Variants in HDAC4 observed in about 807,000 individuals in gnomAD.
HDAC4 encodes histone deacetylase 4.
A neutral mutation model predicts 135.1 loss-of-function variants in HDAC4; 16 were observed. The observed-to-expected ratio is 0.12, with a 90% CI of 0.08 to 0.18. The LOEUF is 0.18. Ranked by LOEUF, HDAC4 falls within the 10% of genes least tolerant of loss-of-function variation. The pLI, the probability that HDAC4 is intolerant of heterozygous loss-of-function variation, is 1.00. For synonymous variants in HDAC4, 685 were observed against 653.4 expected (o/e 1.05, Z -0.74); for missense variants, 1,143 against 1,511.8 (o/e 0.76, Z 4.05).
In HDAC4 at chr2:239,068,691, T is replaced by C; in HGVS notation, c.2751-84A>G. Reference sequence around the variant, plus strand: ...AAAACCCCAAGGTTCCCTCTGGCATTGATAATGCCTGCCCCGCACCCCCTC... The same window carrying C: ...AAAACCCCAAGGTTCCCTCTGGCATCGATAATGCCTGCCCCGCACCCCCTC... On this transcript the variant is annotated intron_variant, in intron 22 of 26. Coordinates refer to ENST00000543185, the MANE Select transcript of HDAC4 (RefSeq NM_001378414.1). The surrounding 1 kb of genome is among the most constrained non-coding windows in gnomAD (Gnocchi z 4.4). The C allele has an allele frequency of 8.6e-7, 1 of 1,166,710 alleles. No individual in the cohort carries two copies. Among genetic ancestry groups the C allele is most frequent in the Non-Finnish European group, 1.3e-6 (1 of 774,164 alleles). 72.3% of individuals were successfully genotyped at this position (1,166,710 alleles called of 1,614,324 possible).
intron 1 of HDAC4, among the ~76,000 whole-genome samples, chr2:239,383,998 C>T (rs542639696): frequency 3.9e-5 from 6 of 152,204 alleles, no homozygotes; most frequent in African/African-American, 1.2e-4. Context: ...GGCCTACTGA[C>T]GTGAGTAACG....
At chr2:239,089,964 T>C (rs1302949520) in intron 18 of HDAC4, 45 bp downstream of exon 18, 20 of 1,398,284 alleles carry the variant, frequency 1.4e-5, no homozygotes, top group Non-Finnish European at 1.9e-5. Flanking sequence ...TGGGAATCTA[T>C]GGCAGGCCTC....
intron 2 of HDAC4, among the ~76,000 whole-genome samples, chr2:239,311,332 G>A (rs867489670): frequency 2.0e-5 from 3 of 152,158 alleles, no homozygotes; most frequent in Non-Finnish European, 2.9e-5. Flanking sequence ...CAGGCACCAA[G>A]CCCGGAGACA....
In HDAC4 at chr2:239,310,411, A is replaced by C. The variant is rs553876443; in HGVS notation, c.22+42267T>G. 2.6e-5 allele frequency among the ~76,000 whole-genome samples: 4 copies of C among 152,318 alleles called. No individual in the cohort carries two copies. The South Asian group carries it at 8.3e-4, about 32-fold the overall frequency. ...TTTTGCTCCCCCCCGAACCAAGTAT[A>C]GAGAATGTTTCACAGAGTAGCTTCA... On this transcript the variant is annotated intron_variant, in intron 2 of 26. Coordinates refer to ENST00000543185, the MANE Select transcript of HDAC4 (RefSeq NM_001378414.1).
At chr2:239,174,824 A>G (rs1055447170) in intron 5 of HDAC4, among the ~76,000 whole-genome samples, 10 of 152,390 alleles carry the variant, frequency 6.6e-5, no homozygotes, top group Admixed American at 6.5e-4. Flanking sequence ...ACCTCTTGCT[A>G]AATGCAAAAT....
At chr2:239,157,275 GA>G (rs1173018786) in intron 6 of HDAC4, among the ~76,000 whole-genome samples, 2 of 152,230 alleles carry the variant, frequency 1.3e-5, no homozygotes, top group Admixed American at 6.5e-5. Context: ...CTGGAGAGAA[GA>G]AGCCCATGGG....
At chr2:239,123,865 C>T (rs937115976) in intron 12 of HDAC4, among the ~76,000 whole-genome samples, 2 of 152,142 alleles carry the variant, frequency 1.3e-5, no homozygotes, top group African/African-American at 4.8e-5. Flanking sequence ...TTTCCAACTC[C>T]TGTCTACGTG....
At chr2:239,135,992 C>T (rs2152887994) in intron 9 of HDAC4, among the ~76,000 whole-genome samples, 1 of 152,328 alleles carries the variant, frequency 6.6e-6, no homozygotes, top group South Asian at 2.1e-4. Flanking sequence ...ACTTGAACTA[C>T]TGTGATATTT....
chr2:239,319,514 C>G (rs1413225558), intron 2 of HDAC4, among the ~76,000 whole-genome samples: 1 of 152,244 alleles, frequency 6.6e-6, no homozygotes, highest in African/African-American at 2.4e-5. Context: ...AGGTCTAAGA[C>G]GGTGTGGCCG....
rs557871526 is a variant in HDAC4, at chr2:239,121,067, C to T, written c.1533+5389G>A. On this transcript the variant is annotated intron_variant, in intron 12 of 26. Coordinates refer to ENST00000543185, the MANE Select transcript of HDAC4 (RefSeq NM_001378414.1). ...GGCTGGAGTGCAGTCATGCATTAGGCAGTCCTCCCACCTCAGCCTCCTGAG... is the reference window on the plus strand; with the variant it reads ...GGCTGGAGTGCAGTCATGCATTAGGTAGTCCTCCCACCTCAGCCTCCTGAG... Among the ~76,000 whole-genome samples the T allele has an allele frequency of 1.7e-4, 25 of 150,380 alleles. No individual in the cohort carries two copies. In the South Asian group the frequency reaches 5.0e-3, roughly 30 times the overall value.
intron 20 of HDAC4, 34 bp downstream of exon 20, chr2:239,084,121 C>T: frequency 6.5e-7 from 1 of 1,534,946 alleles, no homozygotes; most frequent in Non-Finnish European, 9.0e-7. Context: ...AAAGGAGCAA[C>T]CTGAGCTGCG....
chr2:239,087,966 T>TCGGGAC (rs889991641), intron 18 of HDAC4, among the ~76,000 whole-genome samples: 1 of 152,126 alleles, frequency 6.6e-6, no homozygotes, highest in African/African-American at 2.4e-5. Context: ...CCCCGTCGGC[T>TCGGGAC]CGGGACCAGG....
At chr2:239,229,300 A>G (rs996432123) in intron 3 of HDAC4, among the ~76,000 whole-genome samples, 1 of 152,238 alleles carries the variant, frequency 6.6e-6, no homozygotes, top group Non-Finnish European at 1.5e-5. Context: ...TATTGCAGTC[A>G]GCTTCTAAAG....
Position 239,066,569 on chromosome 2 carries a change from G to A in HDAC4, c.3003+153C>T, listed in dbSNP as rs192397656. Among the ~76,000 whole-genome samples, 256 of 152,302 alleles carry A rather than the reference G, an allele frequency of 1.7e-3. 1 individual carries two copies. The highest frequency in any genetic ancestry group is 5.3e-3 in the African/African-American group (222 of 41,562). On this transcript the variant is annotated intron_variant, in intron 24 of 26. Coordinates refer to ENST00000543185, the MANE Select transcript of HDAC4 (RefSeq NM_001378414.1). ...GGTTCTGCCACATTTAGAGCTATGCGGGGGTGGGGGGCAGGTGCAAGGCGG... is the reference window on the plus strand; with the variant it reads ...GGTTCTGCCACATTTAGAGCTATGCAGGGGTGGGGGGCAGGTGCAAGGCGG...
chr2:239,122,711 T>A (rs2039796609), intron 12 of HDAC4, among the ~76,000 whole-genome samples: 1 of 152,220 alleles, frequency 6.6e-6, no homozygotes, highest in Admixed American at 6.5e-5. Context: ...CTAGAGTGGC[T>A]ACATATGGCT....
At chr2:239,367,072 C>G (rs868710880) in intron 1 of HDAC4, among the ~76,000 whole-genome samples, 2 of 152,160 alleles carry the variant, frequency 1.3e-5, no homozygotes, top group South Asian at 4.1e-4. Flanking sequence ...AATAAGTGAT[C>G]AGCCCCCAGG....
intron 2 of HDAC4, among the ~76,000 whole-genome samples, chr2:239,283,224 G>C (rs927280414): frequency 6.6e-6 from 1 of 152,212 alleles, no homozygotes; most frequent in African/African-American, 2.4e-5. Flanking sequence ...TGAGGGCAGG[G>C]GCTGGCGAGT....
At chr2:239,337,704 G>A (rs1212664908) in intron 2 of HDAC4, among the ~76,000 whole-genome samples, 1 of 152,006 alleles carries the variant, frequency 6.6e-6, no homozygotes, top group Non-Finnish European at 1.5e-5. Context: ...CCAAACATAC[G>A]GCGACGGGGG....
chr2:239,219,903 G>T (rs2046855004), intron 3 of HDAC4, among the ~76,000 whole-genome samples: 1 of 152,182 alleles, frequency 6.6e-6, no homozygotes. Context: ...GACACACATG[G>T]TCAGCACTAG....
Sources: gnomAD v4.1 joint callset for allele counts (sites outside exome capture counted in the v4.1 genomes callset) on GRCh38, gnomAD v4.1.1 for gene constraint, Gnocchi (gnomAD v3.1) non-coding constraint, MANE v1.5 for transcripts, NCBI Gene and HGNC (gene_info 2026-07-23, HGNC 2026-07-21) for gene names.